Variants in ZHX2 observed in about 807,000 individuals in gnomAD.
The protein encoded by ZHX2 is zinc fingers and homeoboxes 2.
Under a neutral mutation model 21.9 loss-of-function variants are expected in ZHX2, and 6 were observed. The ratio of observed to expected loss-of-function variants is 0.27; its 90% confidence interval spans 0.15 to 0.54. ZHX2 has a LOEUF of 0.54. Ranked by LOEUF, ZHX2 falls within the 20% of genes least tolerant of loss-of-function variation. The pLI is 0.95. For synonymous variants in ZHX2, 434 were observed against 437.1 expected (o/e 0.99, Z 0.09); for missense variants, 908 against 1,090.7 (o/e 0.83, Z 2.36).
chr8:122,903,550 G>A (rs1820279886), intron 2 of ZHX2, among the ~76,000 whole-genome samples: 1 of 152,188 alleles, frequency 6.6e-6, no homozygotes, highest in South Asian at 2.1e-4. Context: ...GACATGTCAG[G>A]CAGAAAATAA....
chr8:122,881,129 AGCGTGGCT>A (rs58613297), intron 2 of ZHX2, among the ~76,000 whole-genome samples: 10,758 of 152,186 alleles, frequency 0.071, 1,152 homozygotes, highest in African/African-American at 0.24. Context: ...TGGGAATGTG[AGCGTGGCT>A]GCAGGATCCG....
At chr8:122,835,024 A>C (rs1818463489) in intron 1 of ZHX2, among the ~76,000 whole-genome samples, 1 of 152,208 alleles carries the variant, frequency 6.6e-6, no homozygotes, top group South Asian at 2.1e-4. Context: ...CCTGAGCTAC[A>C]GTCCAGATAC....
chr8:122,809,134 A>C (rs930542814), intron 1 of ZHX2: 5 of 152,312 alleles, frequency 3.3e-5, no homozygotes, highest in African/African-American at 1.2e-4. Flanking sequence ...TGATGTTGGC[A>C]GTTACATCAT....
At chr8:122,914,456 C>T (rs565391188) in intron 2 of ZHX2, among the ~76,000 whole-genome samples, 5 of 152,326 alleles carry the variant, frequency 3.3e-5, no homozygotes, top group African/African-American at 1.2e-4. Flanking sequence ...GGTTATTTCT[C>T]AGCCACGCCT....
At chr8:122,840,319 T>A (rs1341992405) in intron 1 of ZHX2, among the ~76,000 whole-genome samples, 1 of 152,014 alleles carries the variant, frequency 6.6e-6, no homozygotes, top group Non-Finnish European at 1.5e-5. Context: ...TTTGGTAGAG[T>A]GTCGTGGGAA....
chr8:122,811,701 G>A (rs1431378423), intron 1 of ZHX2, among the ~76,000 whole-genome samples: 1 of 152,220 alleles, frequency 6.6e-6, no homozygotes, highest in South Asian at 2.1e-4. Context: ...TCCACTTTCA[G>A]GGGGGAAGAG....
intron 2 of ZHX2, among the ~76,000 whole-genome samples, chr8:122,936,023 A>AGAATGAAT: frequency 6.6e-6 from 1 of 152,350 alleles, no homozygotes; most frequent in East Asian, 1.9e-4. Flanking sequence ...CAGGCATTCA[A>AGAATGAAT]GAATGAATGA....
chr8:122,806,165 C>G (rs1179321018), intron 1 of ZHX2, among the ~76,000 whole-genome samples: 1 of 152,152 alleles, frequency 6.6e-6, no homozygotes, highest in Non-Finnish European at 1.5e-5. Context: ...GAGTCACTTT[C>G]GATGGCATTA....
chr8:122,844,585 G>C (rs73333604), intron 1 of ZHX2, among the ~76,000 whole-genome samples: 1 of 152,226 alleles, frequency 6.6e-6, no homozygotes, highest in Non-Finnish European at 1.5e-5. Context: ...TCACAGATGA[G>C]TGAAGTGACG....
At chr8:122,875,129 TTATA>T (rs71310631) in intron 2 of ZHX2, among the ~76,000 whole-genome samples, 7 of 10,214 alleles carry the variant, frequency 6.9e-4, no homozygotes, top group Non-Finnish European at 1.3e-3. Context: ...GAAAACTCTG[TTATA>T]TATATATATA....
At chr8:122,902,080 G>A (rs79508877) in intron 2 of ZHX2, among the ~76,000 whole-genome samples, 6,939 of 152,156 alleles carry the variant, frequency 0.046, 217 homozygotes, top group Non-Finnish European at 0.07. Flanking sequence ...CTGCAGCCTA[G>A]CATAAACCTA....
chr8:122,941,828 T>A lies in ZHX2; in HGVS notation c.-219-9464T>A, dbSNP rs114567300. Among the ~76,000 whole-genome samples, 481 of 152,302 alleles carry A rather than the reference T, an allele frequency of 3.2e-3. 6 individuals carry two copies. The highest frequency in any genetic ancestry group is 0.011 in the African/African-American group (466 of 41,568). On this transcript the variant is annotated intron_variant, in intron 2 of 3. Coordinates refer to ENST00000314393, the MANE Select transcript of ZHX2 (RefSeq NM_014943.5). ...CGTGACTTCTGATTAAAAATATACA[T>A]TCCCAGGCTCTGCACCTGGAGGCTT...
At chr8:122,941,349 C>A (rs761744505) in intron 2 of ZHX2, among the ~76,000 whole-genome samples, 1 of 152,162 alleles carries the variant, frequency 6.6e-6, no homozygotes, top group African/African-American at 2.4e-5. Flanking sequence ...AAAATGTGTC[C>A]GTTTGAGCAA....
intron 2 of ZHX2, among the ~76,000 whole-genome samples, chr8:122,911,000 A>C (rs537056964): frequency 1.9e-4 from 29 of 152,330 alleles, no homozygotes; most frequent in Admixed American, 8.5e-4. Context: ...CATGACAAGA[A>C]GTGGTTTCAA....
In ZHX2 at chr8:122,963,875, TTG is replaced by T. The variant is rs778419145; in HGVS notation, c.*5-9365_*5-9364del. Among the ~76,000 whole-genome samples, 777 of 92,946 alleles carry T rather than the reference TTG, an allele frequency of 8.4e-3. 2 individuals are homozygous for T. Among genetic ancestry groups the T allele is most frequent in the African/African-American group, 0.011 (196 of 17,798 alleles). The allele number at this position is 92,946 out of a possible 152,430, so 61.0% of individuals were successfully genotyped here. A position where few individuals can be genotyped will look rare whatever the true frequency, so the allele number is the denominator to read the frequency against. On this transcript the variant is annotated intron_variant, in intron 3 of 3. Coordinates refer to ENST00000314393, the MANE Select transcript of ZHX2 (RefSeq NM_014943.5). The stretch of plus-strand genomic sequence containing the variant: ...GGTATATTCCTAAGTTGGGTTTTTT[TTG>T]TTGTTGTTTCTTTGTTTGTTTGTTT...
chr8:122,939,595 C>G (rs1812792306), intron 2 of ZHX2, among the ~76,000 whole-genome samples: 2 of 152,108 alleles, frequency 1.3e-5, no homozygotes, highest in Non-Finnish European at 2.9e-5. Context: ...ACTACCTCCT[C>G]CTAACCAACT....
At chr8:122,949,287 T>C (rs1033327050) in intron 2 of ZHX2, among the ~76,000 whole-genome samples, 1 of 151,960 alleles carries the variant, frequency 6.6e-6, no homozygotes, top group African/African-American at 2.4e-5. Context: ...CGCGCCGTTA[T>C]ACTCCAGCCT....
chr8:122,801,487 C>A (rs1817719051), intron 1 of ZHX2, among the ~76,000 whole-genome samples: 1 of 151,348 alleles, frequency 6.6e-6, no homozygotes, highest in Admixed American at 6.6e-5. Context: ...TGGCTTACAT[C>A]TGTAATCTCA....
At chr8:122,816,778 G>A (rs573800405) in intron 1 of ZHX2, among the ~76,000 whole-genome samples, 14 of 152,226 alleles carry the variant, frequency 9.2e-5, no homozygotes, top group African/African-American at 3.1e-4. Context: ...GCTCAGGGAG[G>A]CTAGGAAACT....
Sources: gnomAD v4.1 joint callset for allele counts (sites outside exome capture counted in the v4.1 genomes callset) on GRCh38, gnomAD v4.1.1 for gene constraint, MANE v1.5 for transcripts, NCBI Gene and HGNC (gene_info 2026-07-23, HGNC 2026-07-21) for gene names.